Variants in CCNB2 observed in about 807,000 individuals in gnomAD.
CCNB2 encodes the protein cyclin B2.
In CCNB2, 39 loss-of-function variants were observed where a neutral mutation model predicts 51.1. That is an observed-to-expected ratio of 0.76 (90% CI 0.59 to 1.00). The LOEUF is 1.00. Among genes scored for constraint, CCNB2 ranks in the 50% least tolerant of loss-of-function variants. The probability of loss-of-function intolerance (pLI) is 0.00; values close to 1 mark genes in which losing one functional copy is unlikely to be tolerated. For synonymous variants in CCNB2, 174 were observed against 165.5 expected (o/e 1.05, Z -0.40); for missense variants, 472 against 470.3 (o/e 1.00, Z -0.03).
intron 6 of CCNB2, 97 bp downstream of exon 6, chr15:59,117,023 C>A: frequency 1.8e-6 from 2 of 1,099,852 alleles, no homozygotes; most frequent in Non-Finnish European, 2.7e-6. Flanking sequence ...TAGGACGCTT[C>A]CTTTAGGTAA....
intron 7 of CCNB2, chr15:59,121,540 T>C (rs1204749466): frequency 6.6e-6 from 1 of 152,212 alleles, no homozygotes; most frequent in East Asian, 1.9e-4. Flanking sequence ...CTCACACCTG[T>C]AGTTTCAGCA....
chr15:59,107,931 C>A (rs1173083745), intron 3 of CCNB2, among the ~76,000 whole-genome samples: 2 of 152,000 alleles, frequency 1.3e-5, no homozygotes, highest in Non-Finnish European at 2.9e-5. Context: ...GCCAGGAATT[C>A]AAGGCTGCAA....
intron 1 of CCNB2, 89 bp from the exon 2 acceptor site, chr15:59,107,233 C>T: frequency 6.4e-6 from 8 of 1,240,416 alleles, no homozygotes; most frequent in Non-Finnish European, 7.8e-6. Flanking sequence ...ATTGTCCTTT[C>T]CCAAAGCAAT....
intron 8 of CCNB2, 21 bp from the exon 9 acceptor site, chr15:59,124,746 A>T (rs1412698428): frequency 1.9e-6 from 3 of 1,555,676 alleles, no homozygotes; most frequent in Non-Finnish European, 2.7e-6. Flanking sequence ...ACATGTGCTT[A>T]ATCACAAATG....
In CCNB2 at chr15:59,117,273, ACT is replaced by A; in HGVS notation, c.884_885del (p.Leu295HisfsTer4). The A allele has an allele frequency of 6.2e-7, 1 of 1,613,380 alleles. No homozygotes were observed. Among genetic ancestry groups the A allele is most frequent in the Non-Finnish European group, 8.5e-7 (1 of 1,179,952 alleles). On this transcript the variant is annotated frameshift_variant, in exon 7 of 9. Transcript: ENST00000288207. LOFTEE classifies it high-confidence loss of function. ...TTTAGCCAAGTATTTGATGGAGCTG[ACT>A]CTCATCGACTATGATATGGTGCATT... Reference protein sequence around the residue: ...HTLAKYLMELTLIDYDMVHYH... With the variant: ...HTLAKYLMELXLIDYDMVHYH...
In CCNB2 at chr15:59,107,531, C is replaced by T. The variant is rs754459555; in HGVS notation, c.154-26C>T. ...GTCCCACAACGCTGGCTGTCTTGCG[C>T]TATTCATGTTTCTTTTTCCTTATAG... On this transcript the variant is annotated intron_variant, in intron 2 of 8. Transcript: ENST00000288207. 2.2e-5 allele frequency: 36 copies of T among 1,613,548 alleles called. 1 individual carries two copies. The South Asian group carries it at 3.5e-4, about 16-fold the overall frequency.
intron 3 of CCNB2, among the ~76,000 whole-genome samples, chr15:59,113,088 C>T (rs1029423208): frequency 3.3e-5 from 5 of 151,766 alleles, no homozygotes; most frequent in East Asian, 1.9e-4. Flanking sequence ...TTAATAAATA[C>T]TTGTTTTAAC....
chr15:59,105,163 C>A lies in CCNB2; in HGVS notation c.-106C>A. The A allele has an allele frequency of 9.6e-7, 1 of 1,043,982 alleles. No individual in the cohort carries two copies. The highest frequency in any genetic ancestry group is 1.4e-6 in the Non-Finnish European group (1 of 717,242). 64.7% of individuals were successfully genotyped at this position (1,043,982 alleles called of 1,614,324 possible). On this transcript the variant is annotated 5_prime_UTR_variant, in exon 1 of 9. Coordinates refer to ENST00000288207, the MANE Select transcript of CCNB2 (RefSeq NM_004701.4). ...ACAGCGTCGAAGATCCCCAGCGCTG[C>A]GGGCTCGGAGAGCAGTCCTAACGGC...
Position 59,124,981 on chromosome 15 carries a change from CT to C in CCNB2, c.*106del. 1.7e-6 allele frequency: 1 copy of C among 584,998 alleles called. No homozygotes were observed. Among genetic ancestry groups the C allele is most frequent in the Non-Finnish European group, 2.9e-6 (1 of 347,192 alleles). 36.2% of individuals were successfully genotyped at this position (584,998 alleles called of 1,614,324 possible). A position where few individuals can be genotyped will look rare whatever the true frequency, so the allele number is the denominator to read the frequency against. ...TCCTCTGGTCTATCTCATGAAACCT[CT>C]TCTCAGACCAGTTTTCTAAACATAT... On this transcript the variant is annotated 3_prime_UTR_variant, in exon 9 of 9. Transcript: ENST00000288207.
intron 3 of CCNB2, among the ~76,000 whole-genome samples, chr15:59,110,710 C>T (rs1258054138): frequency 2.0e-5 from 3 of 152,218 alleles, no homozygotes; most frequent in East Asian, 3.8e-4. Flanking sequence ...GTTTCTTTCT[C>T]TGTAGCAGTT....
At chr15:59,108,521 G>A (rs1370952028) in intron 3 of CCNB2, among the ~76,000 whole-genome samples, 4 of 143,268 alleles carry the variant, frequency 2.8e-5, no homozygotes, top group Non-Finnish European at 4.5e-5. Context: ...AACATCAAAT[G>A]TGTTAGGATG....
intron 7 of CCNB2, among the ~76,000 whole-genome samples, chr15:59,121,951 AAAAAAAAAAAGG>A (rs2079303788): frequency 6.8e-6 from 1 of 147,340 alleles, no homozygotes; most frequent in African/African-American, 2.5e-5. Flanking sequence ...AAAAAAAAAA[AAAAAAAAAAAGG>A]AGAAATTACC....
chr15:59,109,966 G>A (rs866648995), intron 3 of CCNB2, among the ~76,000 whole-genome samples: 11 of 152,154 alleles, frequency 7.2e-5, no homozygotes, highest in African/African-American at 2.4e-4. Flanking sequence ...CAGCCTGGGC[G>A]ACAGCGAGAC....
intron 7 of CCNB2, 39 bp from the exon 8 acceptor site, chr15:59,123,478 C>A: frequency 8.4e-7 from 1 of 1,197,150 alleles, no homozygotes; most frequent in Non-Finnish European, 1.2e-6. Context: ...TTTCTCTTGC[C>A]CCTCAGTCAT....
chr15:59,123,096 G>T (rs1160768885), intron 7 of CCNB2, among the ~76,000 whole-genome samples: 1 of 152,172 alleles, frequency 6.6e-6, no homozygotes, highest in Non-Finnish European at 1.5e-5. Context: ...CAGTATGTCT[G>T]TTTGGGCTCT....
chr15:59,106,896 T>C (rs1221312006), intron 1 of CCNB2, among the ~76,000 whole-genome samples: 1 of 152,234 alleles, frequency 6.6e-6, no homozygotes, highest in Non-Finnish European at 1.5e-5. Context: ...ATTAATATTA[T>C]AGCTTTATTA....
At chr15:59,105,944 G>C (rs537505286) in intron 1 of CCNB2, among the ~76,000 whole-genome samples, 2 of 152,218 alleles carry the variant, frequency 1.3e-5, no homozygotes, top group Non-Finnish European at 2.9e-5. Flanking sequence ...CAATGTGGCA[G>C]ACTGAGAGAA....
intron 3 of CCNB2, among the ~76,000 whole-genome samples, chr15:59,110,157 C>T (rs2079252395): frequency 6.6e-6 from 1 of 151,996 alleles, no homozygotes; most frequent in Admixed American, 6.5e-5. Flanking sequence ...ATAGTTTCCT[C>T]CTGTGACCTC....
At position 59,117,374 on chromosome 15, in the gene CCNB2, T is replaced by C; in HGVS notation, c.975+6T>C. 1 of 1,611,586 alleles carries C rather than the reference T, an allele frequency of 6.2e-7. No individual in the cohort carries two copies. The highest frequency in any genetic ancestry group is 2.2e-5 in the East Asian group (1 of 44,790). ...TTCTAGGACAAGGAAAATGGGTGAG[T>C]GGTGGATTTAAGAAGAAACTAATTA... On this transcript the variant is annotated splice_donor_region_variant and intron_variant, in intron 7 of 8. Transcript: ENST00000288207.
Sources: allele counts gnomAD v4.1 joint callset (sites outside exome capture counted in the v4.1 genomes callset), GRCh38; gene constraint gnomAD v4.1.1; transcripts MANE v1.5; gene names NCBI Gene and HGNC (gene_info 2026-07-23, HGNC 2026-07-21).